Variants in DTNBP1 observed in about 807,000 individuals in gnomAD.
DTNBP1 encodes the protein dystrobrevin binding protein 1.
DTNBP1 carries 35 observed loss-of-function variants against 42.8 expected under a neutral mutation model. That is an observed-to-expected ratio of 0.82 (90% confidence interval 0.63 to 1.09). The LOEUF (loss-of-function observed/expected upper bound fraction) is 1.09, where lower values mean the gene tolerates loss of function less well. DTNBP1 is among the 50% of genes least tolerant of loss of function. The probability of loss-of-function intolerance (pLI) is 0.00; values close to 1 mark genes in which losing one functional copy is unlikely to be tolerated. For synonymous variants in DTNBP1, 171 were observed against 162.2 expected, an observed-to-expected ratio of 1.05 and a Z score of -0.41; for missense variants, 457 against 424.2, an observed-to-expected ratio of 1.08 and a Z score of -0.68.
chr6:15,596,660 C>CCATT (rs1391967025), intron 6 of DTNBP1, among the ~76,000 whole-genome samples: 3 of 152,310 alleles, frequency 2.0e-5, no homozygotes, highest in Middle Eastern at 3.4e-3. Context: ...CTTACATTCG[C>CCATT]TCATAAGCCA....
intron 6 of DTNBP1, among the ~76,000 whole-genome samples, chr6:15,607,999 T>C (rs1758175390): frequency 6.6e-6 from 1 of 152,214 alleles, no homozygotes; most frequent in Non-Finnish European, 1.5e-5. Flanking sequence ...ATGCAAATAT[T>C]AATATTTATT....
intron 6 of DTNBP1, among the ~76,000 whole-genome samples, chr6:15,597,668 A>G (rs183623788): frequency 1.3e-5 from 2 of 152,292 alleles, no homozygotes; most frequent in East Asian, 3.9e-4. Flanking sequence ...GGTTCTGTTC[A>G]TACAGGTATC....
chr6:15,531,435 G>A (rs894129600), intron 8 of DTNBP1, among the ~76,000 whole-genome samples: 2 of 152,078 alleles, frequency 1.3e-5, no homozygotes, highest in Admixed American at 6.5e-5. Context: ...ATGCAGGGTC[G>A]CAGGATACAA....
At chr6:15,557,493 T>C (rs1367988384) in intron 7 of DTNBP1, among the ~76,000 whole-genome samples, 2 of 152,102 alleles carry the variant, frequency 1.3e-5, no homozygotes, top group Non-Finnish European at 2.9e-5. Flanking sequence ...TAACAGAAAA[T>C]TTTAACAGTT....
chr6:15,534,147 A>G (rs1465459224), intron 7 of DTNBP1, among the ~76,000 whole-genome samples: 3 of 152,192 alleles, frequency 2.0e-5, no homozygotes, highest in Non-Finnish European at 2.9e-5. Flanking sequence ...GGATGGAGAC[A>G]CGAAGTGTGC....
chr6:15,615,489 T>C (rs1285959354), intron 5 of DTNBP1, 90 bp from the exon 6 acceptor site: 4 of 1,520,284 alleles, frequency 2.6e-6, no homozygotes, highest in Non-Finnish European at 1.8e-6. Flanking sequence ...AAAGTTCACA[T>C]TGTTGAGATT....
intron 7 of DTNBP1, among the ~76,000 whole-genome samples, chr6:15,572,315 C>T (rs1249924622): frequency 6.6e-6 from 1 of 152,202 alleles, no homozygotes; most frequent in African/African-American, 2.4e-5. Flanking sequence ...AACAGCTTTT[C>T]AGCAGCCTGA....
chr6:15,546,404 T>C (rs1773885813), intron 7 of DTNBP1, among the ~76,000 whole-genome samples: 1 of 152,130 alleles, frequency 6.6e-6, no homozygotes, highest in African/African-American at 2.4e-5. Context: ...TATTTTTATT[T>C]ACTTCTGATT....
At chr6:15,620,425 C>G (rs773989501) in intron 5 of DTNBP1, among the ~76,000 whole-genome samples, 1 of 151,996 alleles carries the variant, frequency 6.6e-6, no homozygotes, top group Non-Finnish European at 1.5e-5. Context: ...TGGGCTTGAG[C>G]GATCTTCCTG....
At chr6:15,612,668 C>T (rs542037233) in intron 6 of DTNBP1, among the ~76,000 whole-genome samples, 1 of 152,282 alleles carries the variant, frequency 6.6e-6, no homozygotes, top group African/African-American at 2.4e-5. Context: ...TTCCCTAAAA[C>T]CCTATAATGT....
At chr6:15,576,312 A>G (rs1362019737) in intron 7 of DTNBP1, among the ~76,000 whole-genome samples, 2 of 151,814 alleles carry the variant, frequency 1.3e-5, no homozygotes, top group African/African-American at 2.4e-5. Context: ...TAGTAGAGAC[A>G]GGGTTTCACC....
chr6:15,546,926 C>CTT (rs10711026), intron 7 of DTNBP1, among the ~76,000 whole-genome samples: 1 of 116,130 alleles, frequency 8.6e-6, no homozygotes, highest in Non-Finnish European at 1.8e-5. Context: ...TTCTTTCTTT[C>CTT]TTTTTTTTTT....
chr6:15,572,426 T>C (rs1182824196), intron 7 of DTNBP1, among the ~76,000 whole-genome samples: 3 of 152,218 alleles, frequency 2.0e-5, no homozygotes, highest in Non-Finnish European at 4.4e-5. Context: ...CAACTTGATT[T>C]TTCTGTTGTT....
chr6:15,579,713 G>A (rs1775739756), intron 7 of DTNBP1: 1 of 319,688 alleles, frequency 3.1e-6, no homozygotes, highest in Non-Finnish European at 6.4e-6. Context: ...GCTAAGGCAG[G>A]AGAATCACTT....
At chr6:15,647,368 C>T (rs1046400353) in intron 3 of DTNBP1, among the ~76,000 whole-genome samples, 3 of 151,528 alleles carry the variant, frequency 2.0e-5, no homozygotes, top group African/African-American at 4.8e-5. Flanking sequence ...ATACCACTAC[C>T]GTTTATATCT....
Position 15,564,357 on chromosome 6 carries a change from C to T in DTNBP1, c.511+28702G>A, listed in dbSNP as rs544143258. Among the ~76,000 whole-genome samples, 3 of 149,656 alleles carry T rather than the reference C, an allele frequency of 2.0e-5. No homozygotes were observed. The East Asian group carries it at 5.9e-4, about 29-fold the overall frequency. Reference sequence around the variant, plus strand: ...AAAATAAATTTTAAAAAACTCAACTCAATAATAAGACAAACCAATTAAGAA... The same window carrying T: ...AAAATAAATTTTAAAAAACTCAACTTAATAATAAGACAAACCAATTAAGAA... On this transcript the variant is annotated intron_variant, in intron 7 of 9. Transcript: ENST00000344537.
At chr6:15,602,577 TCATAAAAAA>T (rs969378100) in intron 6 of DTNBP1, among the ~76,000 whole-genome samples, 3 of 152,082 alleles carry the variant, frequency 2.0e-5, no homozygotes, top group African/African-American at 7.2e-5. Context: ...CAACTATGGG[TCATAAAAAA>T]CATAAAATAT....
chr6:15,559,695 T>A (rs562522641), intron 7 of DTNBP1, among the ~76,000 whole-genome samples: 1 of 152,292 alleles, frequency 6.6e-6, no homozygotes, highest in Admixed American at 6.5e-5. Flanking sequence ...GCAGCTGGCA[T>A]TGGTCAGTAG....
chr6:15,638,048 G>A (rs1416985075), intron 3 of DTNBP1, among the ~76,000 whole-genome samples: 2 of 152,058 alleles, frequency 1.3e-5, no homozygotes, highest in Non-Finnish European at 2.9e-5. Flanking sequence ...ATATCCCTGA[G>A]TCCATGGTGA....
Sources: gnomAD v4.1 joint callset for allele counts (sites outside exome capture counted in the v4.1 genomes callset) on GRCh38, gnomAD v4.1.1 for gene constraint, MANE v1.5 for transcripts, NCBI Gene and HGNC (gene_info 2026-07-23, HGNC 2026-07-21) for gene names.